The following DCDC2C variants were observed in gnomAD, a reference collection of about 807,000 sequenced individuals.
DCDC2C encodes the protein doublecortin domain containing 2C.
Under a neutral mutation model 45.0 loss-of-function variants are expected in DCDC2C, and 44 were observed. The ratio of observed to expected loss-of-function variants is 0.98; its 90% confidence interval spans 0.77 to 1.26. The LOEUF (loss-of-function observed/expected upper bound fraction) is 1.26, where lower values mean the gene tolerates loss of function less well. Ranked by LOEUF, DCDC2C falls within the 50% of genes most tolerant of loss-of-function variation. The pLI is 0.00. For synonymous variants in DCDC2C, 187 were observed against 178.8 expected, an observed-to-expected ratio of 1.05 and a Z score of -0.37; for missense variants, 447 against 468.9, an observed-to-expected ratio of 0.95 and a Z score of 0.43.
At chr2:3,816,619 G>C (rs9636367) in intron 10 of DCDC2C, among the ~76,000 whole-genome samples, 4 of 152,140 alleles carry the variant, frequency 2.6e-5, no homozygotes, top group South Asian at 4.1e-4. Context: ...ACGAGAATAA[G>C]AGTGAGTATA....
At chr2:3,811,509 G>T (rs368065467) in intron 10 of DCDC2C, among the ~76,000 whole-genome samples, 12 of 152,236 alleles carry the variant, frequency 7.9e-5, no homozygotes, top group African/African-American at 2.9e-4. Flanking sequence ...TAAATATACA[G>T]TCATGTCATC....
At chr2:3,800,365 G>T (rs1355462928) in intron 10 of DCDC2C, among the ~76,000 whole-genome samples, 1 of 152,200 alleles carries the variant, frequency 6.6e-6, no homozygotes, top group Non-Finnish European at 1.5e-5. Context: ...GACCAGAGCT[G>T]TTCCTATTCG....
chr2:3,747,539 A>G (rs1212528018), intron 4 of DCDC2C, among the ~76,000 whole-genome samples: 1 of 152,204 alleles, frequency 6.6e-6, no homozygotes, highest in Admixed American at 6.5e-5. Flanking sequence ...CTTCTGGCTC[A>G]GCACAGCGTG....
intron 10 of DCDC2C, among the ~76,000 whole-genome samples, chr2:3,814,200 C>A (rs1043405699): frequency 9.2e-5 from 14 of 152,124 alleles, no homozygotes; most frequent in Admixed American, 6.5e-4. Context: ...TCCCATATTT[C>A]TTGGAGGCTT....
At chr2:3,742,220 A>C in intron 4 of DCDC2C, among the ~76,000 whole-genome samples, 172 bp downstream of exon 4, 1 of 152,226 alleles carries the variant, frequency 6.6e-6, no homozygotes, top group East Asian at 1.9e-4. Context: ...ACTTACTTTT[A>C]ACTGGCCTCA....
intron 2 of DCDC2C, among the ~76,000 whole-genome samples, chr2:3,718,584 A>G (rs1466883989): frequency 6.6e-6 from 1 of 152,196 alleles, no homozygotes; most frequent in Non-Finnish European, 1.5e-5. Flanking sequence ...TCTCTGAGAA[A>G]GTCCAGGGCC....
intron 10 of DCDC2C, among the ~76,000 whole-genome samples, chr2:3,792,374 G>A (rs941848692): frequency 7.2e-5 from 11 of 152,242 alleles, no homozygotes; most frequent in African/African-American, 1.4e-4. Flanking sequence ...ACTTCTGTTG[G>A]CCTCAGGTTG....
At chr2:3,769,104 C>T in intron 7 of DCDC2C, 1 of 529,314 alleles carries the variant, frequency 1.9e-6, no homozygotes, top group South Asian at 2.4e-5. Flanking sequence ...AAATCGAGGC[C>T]ACCACGCTGA....
chr2:3,750,507 C>T (rs770366757), intron 4 of DCDC2C, among the ~76,000 whole-genome samples: 17 of 152,094 alleles, frequency 1.1e-4, no homozygotes, highest in Admixed American at 3.9e-4. Flanking sequence ...TTTCTGTTTA[C>T]GTGAGGGTCT....
chr2:3,777,596 C>T (rs925107385), intron 8 of DCDC2C, among the ~76,000 whole-genome samples: 3 of 152,026 alleles, frequency 2.0e-5, no homozygotes, highest in Non-Finnish European at 2.9e-5. Flanking sequence ...TATTTTTTTA[C>T]GTGGTTTGAG....
chr2:3,760,297 C>T (rs1669843193), intron 6 of DCDC2C, among the ~76,000 whole-genome samples: 1 of 152,118 alleles, frequency 6.6e-6, no homozygotes, highest in Non-Finnish European at 1.5e-5. Flanking sequence ...TGCCCATTTC[C>T]CTACCATTTG....
chr2:3,814,748 C>T (rs544790536), intron 10 of DCDC2C, among the ~76,000 whole-genome samples: 1 of 152,368 alleles, frequency 6.6e-6, no homozygotes, highest in South Asian at 2.1e-4. Context: ...ACTGGAGTTA[C>T]TGGAGTTCCT....
At chr2:3,704,186 G>T (rs1211954581) in intron 1 of DCDC2C, 148 bp downstream of exon 1, 1 of 737,690 alleles carries the variant, frequency 1.4e-6, no homozygotes, top group African/African-American at 1.8e-5. Flanking sequence ...CAGCGCAGCC[G>T]GCGTCGGGCC....
intron 2 of DCDC2C, among the ~76,000 whole-genome samples, chr2:3,714,946 C>T (rs1668312009): frequency 6.6e-6 from 1 of 152,284 alleles, no homozygotes; most frequent in Admixed American, 6.5e-5. Flanking sequence ...AATTCATGCT[C>T]ATTGTAGAAA....
In DCDC2C at chr2:3,796,337, T is replaced by C. The variant is rs1235195493; in HGVS notation, c.1065+11237T>C. On this transcript the variant is annotated intron_variant, in intron 10 of 10. Transcript: ENST00000399143. ...AAACAGGGACAACTTAAATTCTTCT[T>C]TTCCTAACTGAATACCCTTTATTTC... Among the ~76,000 whole-genome samples, 3 of 108,694 alleles carry C rather than the reference T, an allele frequency of 2.8e-5. 1 individual carries two copies. Among genetic ancestry groups the C allele is most frequent in the African/African-American group, 1.2e-4 (3 of 25,168 alleles). The allele number at this position is 108,694 out of a possible 152,430, so 71.3% of individuals were successfully genotyped here. A position where few individuals can be genotyped will look rare whatever the true frequency, so the allele number is the denominator to read the frequency against.
At chr2:3,740,963 A>G (rs1669188454) in intron 3 of DCDC2C, among the ~76,000 whole-genome samples, 1 of 152,236 alleles carries the variant, frequency 6.6e-6, no homozygotes. Flanking sequence ...TTGTTAAAGG[A>G]TATCAATGAT....
At chr2:3,825,632 C>T (rs918246207) in intron 10 of DCDC2C, among the ~76,000 whole-genome samples, 1 of 152,096 alleles carries the variant, frequency 6.6e-6, no homozygotes, top group African/African-American at 2.4e-5. Flanking sequence ...TCCTGGTCTC[C>T]AGTGTGGTCA....
chr2:3,720,007 T>C (rs1254315021), intron 2 of DCDC2C, among the ~76,000 whole-genome samples: 2 of 152,126 alleles, frequency 1.3e-5, no homozygotes, highest in Admixed American at 1.3e-4. Context: ...GGTTTGCAGG[T>C]GAGTGTGCAG....
chr2:3,824,536 G>T (rs1280876447), intron 10 of DCDC2C, among the ~76,000 whole-genome samples: 1 of 152,192 alleles, frequency 6.6e-6, no homozygotes, highest in Non-Finnish European at 1.5e-5. Flanking sequence ...TTTTGCGGGG[G>T]CTTGAATCAG....
Sources: allele counts gnomAD v4.1 joint callset (sites outside exome capture counted in the v4.1 genomes callset), GRCh38; gene constraint gnomAD v4.1.1; transcripts MANE v1.5; gene names NCBI Gene and HGNC (gene_info 2026-07-23, HGNC 2026-07-21).